The following KIF26B variants were observed in gnomAD, a reference collection of about 807,000 sequenced individuals.
KIF26B encodes kinesin-like protein KIF26B.
KIF26B carries 63 observed loss-of-function variants against 151.2 expected under a neutral mutation model. That is an observed-to-expected ratio of 0.42 (90% confidence interval 0.34 to 0.51). The LOEUF is 0.51. KIF26B is among the 20% of genes least tolerant of loss of function. KIF26B has a pLI of 0.07. For synonymous variants in KIF26B, 1,357 were observed against 1,262.1 expected (o/e 1.08, Z -1.59); for missense variants, 2,813 against 2,913.6 (o/e 0.97, Z 0.79).
At chr1:245,456,253 T>C (rs1476182046) in intron 4 of KIF26B, among the ~76,000 whole-genome samples, 2 of 152,256 alleles carry the variant, frequency 1.3e-5, no homozygotes, top group Non-Finnish European at 1.5e-5. Context: ...GATTATATTT[T>C]ATTTAATGAA....
rs576225806 is a variant in KIF26B at position 245,263,393 on chromosome 1, C to G, written c.466-103441C>G. ...GAGCTCTAGGTTTGGGTTCTTGGCA[C>G]TTCGGTGCTTCCCTTCTCACTCAGT... On this transcript the variant is annotated intron_variant, in intron 2 of 14. Coordinates refer to ENST00000407071, the MANE Select transcript of KIF26B (RefSeq NM_018012.4). 2.0e-5 allele frequency among the ~76,000 whole-genome samples: 3 copies of G among 152,304 alleles called. No individual in the cohort carries two copies. In the South Asian group the frequency reaches 6.2e-4, roughly 32 times the overall value.
intron 7 of KIF26B, among the ~76,000 whole-genome samples, chr1:245,608,061 G>C (rs1332967821): frequency 6.6e-6 from 1 of 152,160 alleles, no homozygotes; most frequent in East Asian, 1.9e-4. Context: ...GCCGCTGTTT[G>C]GGAAGCAGAT....
At chr1:245,590,503 A>G (rs1002951371) in intron 5 of KIF26B, among the ~76,000 whole-genome samples, 1 of 152,202 alleles carries the variant, frequency 6.6e-6, no homozygotes, top group African/African-American at 2.4e-5. Flanking sequence ...TAGTTTTTCT[A>G]CCAAGTATTC....
intron 10 of KIF26B, among the ~76,000 whole-genome samples, chr1:245,648,997 G>C (rs1464029514): frequency 6.6e-6 from 1 of 152,176 alleles, no homozygotes; most frequent in Non-Finnish European, 1.5e-5. Flanking sequence ...TCGAGACCTT[G>C]CTGGGTTGCC....
intron 2 of KIF26B, among the ~76,000 whole-genome samples, chr1:245,287,493 TC>T (rs76333016): frequency 0.038 from 5,033 of 133,826 alleles, 217 homozygotes; most frequent in African/African-American, 0.1. Context: ...CTCATCTCTC[TC>T]TCTCTTTTTT....
chr1:245,174,810 T>A (rs1428708147), intron 2 of KIF26B, among the ~76,000 whole-genome samples: 1 of 152,216 alleles, frequency 6.6e-6, no homozygotes, highest in Admixed American at 6.5e-5. Context: ...CCATAGGGCT[T>A]TTCTGGAGAA....
At position 245,684,256 on chromosome 1, in the gene KIF26B, T is replaced by C; in HGVS notation, c.2282T>C (p.Leu761Pro). 1 of 1,613,700 alleles carries C rather than the reference T, an allele frequency of 6.2e-7. No homozygotes were observed. Among genetic ancestry groups the C allele is most frequent in the Non-Finnish European group, 8.5e-7 (1 of 1,179,694 alleles). The change falls in exon 11 of 15, where the codon CTG becomes CCG. Residue 761 changes from leucine to proline, a missense_variant. By Grantham distance (98) the Leu-to-Pro change is moderately conservative. Coordinates refer to ENST00000407071, the MANE Select transcript of KIF26B (RefSeq NM_018012.4). ...AGAGAGAGCAAGCTCGCCATGTTGC[T>C]GCGGGAGTCTCTGGGGAACATGAAC... Reference protein sequence around the residue: ...PYKESKLAMLLRESLGNMNCR... With the variant: ...PYKESKLAMLPRESLGNMNCR...
intron 10 of KIF26B, among the ~76,000 whole-genome samples, chr1:245,676,634 G>A (rs917467835): frequency 1.6e-4 from 24 of 152,190 alleles, no homozygotes; most frequent in Admixed American, 1.4e-3. Context: ...GGATCCAATA[G>A]ATTCATGTGG....
chr1:245,509,598 T>A (rs187697705), intron 4 of KIF26B, among the ~76,000 whole-genome samples: 1 of 152,212 alleles, frequency 6.6e-6, no homozygotes, highest in African/African-American at 2.4e-5. Context: ...AATGAAGCAA[T>A]GGGTCTCCAG....
At chr1:245,219,055 TG>T (rs1669705375) in intron 2 of KIF26B, among the ~76,000 whole-genome samples, 1 of 147,940 alleles carries the variant, frequency 6.8e-6, no homozygotes, top group African/African-American at 2.5e-5. Flanking sequence ...GTTCTGACCG[TG>T]GGTTACTTCT....
intron 3 of KIF26B, among the ~76,000 whole-genome samples, chr1:245,394,635 A>C (rs537614340): frequency 2.0e-5 from 3 of 152,240 alleles, no homozygotes; most frequent in Non-Finnish European, 4.4e-5. Flanking sequence ...GAAATAAAAA[A>C]TAAAAATATA....
intron 2 of KIF26B, among the ~76,000 whole-genome samples, chr1:245,264,588 C>A (rs890281583): frequency 9.3e-5 from 14 of 150,714 alleles, no homozygotes; most frequent in South Asian, 4.2e-4. Context: ...AAAAAAAAAA[C>A]AAAACAAAAA....
intron 10 of KIF26B, among the ~76,000 whole-genome samples, chr1:245,679,111 C>T (rs771507414): frequency 1.4e-4 from 21 of 152,090 alleles, no homozygotes; most frequent in South Asian, 4.2e-4. Context: ...GAGCAGGTAG[C>T]GAGCATTTTT....
chr1:245,174,188 A>T, intron 2 of KIF26B, among the ~76,000 whole-genome samples: 1 of 152,188 alleles, frequency 6.6e-6, no homozygotes, highest in East Asian at 1.9e-4. Context: ...CACACATTTT[A>T]TGTGTATGAC....
At chr1:245,440,073 TAGCCGGGC>T (rs1218797247) in intron 4 of KIF26B, among the ~76,000 whole-genome samples, 11 of 151,950 alleles carry the variant, frequency 7.2e-5, no homozygotes, top group Admixed American at 7.2e-4. Flanking sequence ...TACAAAAAAT[TAGCCGGGC>T]GTGGTGGCGG....
Position 245,670,522 on chromosome 1 carries a change from T to A in KIF26B, c.2259-13711T>A, listed in dbSNP as rs1273945908. On this transcript the variant is annotated intron_variant, in intron 10 of 14. Coordinates refer to ENST00000407071, the MANE Select transcript of KIF26B (RefSeq NM_018012.4). Reference sequence around the variant, plus strand: ...TTTTTGTATTGTAGTGAAATAAATGTCTCATTTAAAAAAAAAAGAATTGAA... The same window carrying A: ...TTTTTGTATTGTAGTGAAATAAATGACTCATTTAAAAAAAAAAGAATTGAA... 2.2e-5 allele frequency among the ~76,000 whole-genome samples: 3 copies of A among 133,932 alleles called. No homozygotes were observed. In the East Asian group the frequency reaches 6.7e-4, roughly 30 times the overall value. The allele number at this position is 133,932 out of a possible 152,430, so 87.9% of individuals were successfully genotyped here.
chr1:245,532,251 T>TTC (rs1190895122), intron 4 of KIF26B, among the ~76,000 whole-genome samples: 22 of 145,064 alleles, frequency 1.5e-4, no homozygotes, highest in Non-Finnish European at 3.0e-4. Context: ...TTCTTTTCTT[T>TTC]TTTTTTTTTT....
In KIF26B at chr1:245,688,359, C is replaced by G. The variant is rs1272107303; in HGVS notation, c.5376C>G (p.Ser1792Arg). 26 of 1,564,380 alleles carry G rather than the reference C, an allele frequency of 1.7e-5. No homozygotes were observed. The highest frequency in any genetic ancestry group is 2.1e-5 in the Non-Finnish European group (25 of 1,163,678). ...WSTQSLSRNR[S>R]SGLASKLPLR... ...CGCAGTCCCTCAGCAGGAACAGGAG[C>G]TCGGGCCTGGCCTCCAAGCTTCCCC... The change falls in exon 12 of 15, where the codon AGC becomes AGG. Residue 1792 changes from serine to arginine, a missense_variant. Ser to Arg is a moderately radical substitution (Grantham distance 110, BLOSUM62 -1). Around this residue, in one of 3 missense-constraint regions of KIF26B, gnomAD observed 2,060 missense variants for 2,088.6 expected, o/e 0.99. Transcript: ENST00000407071.
intron 5 of KIF26B, among the ~76,000 whole-genome samples, chr1:245,550,783 A>G (rs1661863661): frequency 6.6e-6 from 1 of 152,202 alleles, no homozygotes; most frequent in South Asian, 2.1e-4. Context: ...ATTAGTAACT[A>G]AGTTGCTACA....
Sources: gnomAD v4.1 joint callset for allele counts (sites outside exome capture counted in the v4.1 genomes callset) on GRCh38, gnomAD v4.1.1 for gene constraint, gnomAD v4.1.1 regional missense constraint, MANE v1.5 for transcripts, NCBI Gene and HGNC (gene_info 2026-07-23, HGNC 2026-07-21) for gene names.